Variants in VPS13A observed in about 807,000 individuals in gnomAD.
VPS13A encodes the protein vacuolar protein sorting 13 homolog A, also known as intermembrane lipid transfer protein VPS13A.
Under a neutral mutation model 390.9 loss-of-function variants are expected in VPS13A, and 264 were observed. That is an observed-to-expected ratio of 0.68 (90% CI 0.61 to 0.75). VPS13A has a LOEUF of 0.75. Ranked by LOEUF, VPS13A falls within the 30% of genes least tolerant of loss-of-function variation. VPS13A has a pLI of 0.00. For synonymous variants in VPS13A, 1,231 were observed against 1,227.1 expected, an observed-to-expected ratio of 1.00 and a Z score of -0.07; for missense variants, 3,409 against 3,733.9, an observed-to-expected ratio of 0.91 and a Z score of 2.27.
At chr9:77,259,178 C>T (rs1295121645) in intron 22 of VPS13A, among the ~76,000 whole-genome samples, 1 of 152,100 alleles carries the variant, frequency 6.6e-6, no homozygotes, top group Non-Finnish European at 1.5e-5. Context: ...CAGGAACATT[C>T]CCTTGAAAGT....
At chr9:77,387,142 A>G (rs564010953) in intron 68 of VPS13A, among the ~76,000 whole-genome samples, 56 of 152,178 alleles carry the variant, frequency 3.7e-4, no homozygotes, top group African/African-American at 1.3e-3. Context: ...AAAAGCAAAA[A>G]AAAAAGACAG....
chr9:77,222,616 T>C (rs1446438176), intron 13 of VPS13A, among the ~76,000 whole-genome samples: 2 of 152,188 alleles, frequency 1.3e-5, no homozygotes, highest in South Asian at 4.1e-4. Flanking sequence ...ATTTTTCCAA[T>C]AGCATTTATT....
Position 77,371,161 on chromosome 9 carries a change from T to G in VPS13A, c.9077+12T>G. ...CAGGGAATAAAAAGGTAAATCCTCT[T>G]TGGTGTAAGATATGAGTTAAAATGC... On this transcript the variant is annotated intron_variant, in intron 67 of 71. Transcript: ENST00000360280. 1.2e-6 allele frequency: 2 copies of G among 1,613,808 alleles called. No individual in the cohort carries two copies. Among genetic ancestry groups the G allele is most frequent in the Non-Finnish European group, 1.7e-6 (2 of 1,179,852 alleles).
intron 17 of VPS13A, 46 bp from the exon 18 acceptor site, chr9:77,237,956 C>A: frequency 1.4e-6 from 2 of 1,426,260 alleles, no homozygotes; most frequent in Non-Finnish European, 2.0e-6. Context: ...TAAAATCCTT[C>A]ACAATTTTAC....
chr9:77,241,860 T>C (rs1301936848), intron 19 of VPS13A, among the ~76,000 whole-genome samples: 1 of 152,206 alleles, frequency 6.6e-6, no homozygotes, highest in African/African-American at 2.4e-5. Flanking sequence ...CTTTTTCTCC[T>C]AATTTTTCTC....
At chr9:77,310,608 A>T (rs1402042814) in intron 35 of VPS13A, among the ~76,000 whole-genome samples, 1 of 144,110 alleles carries the variant, frequency 6.9e-6, no homozygotes, top group East Asian at 1.9e-4. Flanking sequence ...TATTACTGTA[A>T]ATCTCATTGA....
intron 22 of VPS13A, among the ~76,000 whole-genome samples, chr9:77,254,100 C>T (rs937439417): frequency 6.6e-6 from 1 of 151,698 alleles, no homozygotes; most frequent in Non-Finnish European, 1.5e-5. Context: ...CCCGCCACCA[C>T]GCCTGGCTAA....
chr9:77,339,712 C>T lies in VPS13A; in HGVS notation c.6575C>T (p.Thr2192Ile). The T allele has an allele frequency of 1.2e-6, 2 of 1,613,922 alleles. No homozygotes were observed. Among genetic ancestry groups the T allele is most frequent in the South Asian group, 1.1e-5 (1 of 91,074 alleles). ...ACTTGTGTTACAGAAATGGAAAAGA[C>T]TGATTTAGATATTGCTGTCCATATG... is the stretch of plus-strand genomic sequence containing the variant. ...SFTCVTEMEK[T>I]DLDIAVHMTY... Residue 2192 changes from threonine to isoleucine, a missense_variant, in exon 48 of 72, where the codon ACT becomes ATT. Thr to Ile is a moderately conservative substitution (Grantham distance 89). Around this residue, in one of 5 missense-constraint regions of VPS13A, gnomAD observed 2,717 missense variants for 2,917.4 expected, o/e 0.93. Coordinates refer to ENST00000360280, the MANE Select transcript of VPS13A (RefSeq NM_033305.3).
In VPS13A at chr9:77,314,042, CT is replaced by C; in HGVS notation, c.4166del (p.Leu1389GlnfsTer6). The C allele has an allele frequency of 1.2e-6, 2 of 1,613,334 alleles. No individual in the cohort carries two copies. The highest frequency in any genetic ancestry group is 1.7e-6 in the Non-Finnish European group (2 of 1,179,580). On this transcript the variant is annotated frameshift_variant, in exon 36 of 72. Transcript: ENST00000360280. LOFTEE classifies it high-confidence loss of function. ...GGTAGAAGTACATTCACGTGCCTTA[CT>C]AGTTAAGACAACACTAAACATAAGC... ...AVVEVHSRAL[L>X]VKTTLNISFK...
In VPS13A at chr9:77,406,459, G is replaced by A. The variant is rs567717493; in HGVS notation, c.9399+472G>A. Among the ~76,000 whole-genome samples, 268 of 151,750 alleles carry A rather than the reference G, an allele frequency of 1.8e-3. 2 individuals carry two copies. The highest frequency in any genetic ancestry group is 6.1e-3 in the African/African-American group (254 of 41,366). On this transcript the variant is annotated intron_variant, in intron 70 of 71. Transcript: ENST00000360280. ...TTTTGAGACAGAGTCTTGCCCTGTC[G>A]CCCAAGCTGGAGTGCAGTGGCGCTC...
chr9:77,343,427 A>G (rs1830950475), intron 50 of VPS13A, among the ~76,000 whole-genome samples: 1 of 152,228 alleles, frequency 6.6e-6, no homozygotes, highest in Non-Finnish European at 1.5e-5. Context: ...ACACATGAGC[A>G]GTCTCACTGA....
Position 77,391,942 on chromosome 9 carries a change from A to G in VPS13A, c.9189+9855A>G, listed in dbSNP as rs184900082. On this transcript the variant is annotated intron_variant, in intron 68 of 71. Transcript: ENST00000360280. The stretch of plus-strand genomic sequence containing the variant: ...GTGTTCAGACACTCTTGTAGATAGT[A>G]GAGTTACAGCCCTGAAGAGAGTATT... Among the ~76,000 whole-genome samples, 717 of 152,350 alleles carry G rather than the reference A, an allele frequency of 4.7e-3. 3 individuals carry two copies. Among genetic ancestry groups the G allele is most frequent in the Non-Finnish European group, 6.2e-3 (421 of 68,032 alleles).
intron 26 of VPS13A, among the ~76,000 whole-genome samples, chr9:77,276,828 C>T (rs1373696739): frequency 6.6e-6 from 1 of 152,216 alleles, no homozygotes; most frequent in African/African-American, 2.4e-5. Flanking sequence ...TCTCTAACCT[C>T]CTCTTCTGTG....
intron 67 of VPS13A, among the ~76,000 whole-genome samples, chr9:77,379,000 C>T (rs1265281443): frequency 2.1e-5 from 3 of 143,574 alleles, no homozygotes; most frequent in Admixed American, 7.0e-5. Flanking sequence ...TCATAAATTT[C>T]TCTTATTTAC....
chr9:77,260,545 C>T (rs989282900), intron 23 of VPS13A, among the ~76,000 whole-genome samples: 3 of 150,928 alleles, frequency 2.0e-5, no homozygotes, highest in Non-Finnish European at 3.0e-5. Flanking sequence ...TTAGCAGAGA[C>T]GGGGTTTCAC....
chr9:77,236,430 A>G (rs964396387), intron 17 of VPS13A, among the ~76,000 whole-genome samples: 2 of 152,178 alleles, frequency 1.3e-5, no homozygotes, highest in Non-Finnish European at 2.9e-5. Context: ...GAGTGGTATA[A>G]TGTGGTAACT....
intron 19 of VPS13A, among the ~76,000 whole-genome samples, chr9:77,242,562 A>C (rs964042827): frequency 3.3e-5 from 5 of 152,030 alleles, no homozygotes; most frequent in Admixed American, 3.3e-4. Flanking sequence ...CTTTGTTAAA[A>C]TCTGGGAATT....
chr9:77,252,866 T>G (rs1214449535), intron 22 of VPS13A, among the ~76,000 whole-genome samples: 1 of 152,234 alleles, frequency 6.6e-6, no homozygotes, highest in Non-Finnish European at 1.5e-5. Flanking sequence ...ATGTTGTATA[T>G]ACTATGTTTT....
intron 53 of VPS13A, among the ~76,000 whole-genome samples, chr9:77,351,962 C>A (rs1831499042): frequency 3.3e-5 from 5 of 152,188 alleles, no homozygotes. Flanking sequence ...TGCCAAACGT[C>A]TTCAAAATAG....
Sources: allele counts gnomAD v4.1 joint callset (sites outside exome capture counted in the v4.1 genomes callset), GRCh38; gene constraint gnomAD v4.1.1; regional missense constraint gnomAD v4.1.1; transcripts MANE v1.5; gene names NCBI Gene and HGNC (gene_info 2026-07-23, HGNC 2026-07-21).